CACNA2D2: variants seen among roughly 807,000 people sequenced by gnomAD.
CACNA2D2 encodes voltage-dependent calcium channel subunit alpha-2/delta-2.
Under a neutral mutation model 166.4 loss-of-function variants are expected in CACNA2D2, and 48 were observed. That is an observed-to-expected ratio of 0.29 (90% CI 0.23 to 0.37). CACNA2D2 has a LOEUF of 0.37. CACNA2D2 is among the 10% of genes least tolerant of loss of function. The pLI is 1.00. For missense variants in CACNA2D2, 1,122 were observed against 1,433.0 expected (o/e 0.78, Z 3.50); for synonymous variants, 561 against 573.7 (o/e 0.98, Z 0.32).
intron 2 of CACNA2D2, among the ~76,000 whole-genome samples, chr3:50,469,104 C>G (rs1029274087): frequency 6.6e-6 from 1 of 152,152 alleles, no homozygotes; most frequent in Non-Finnish European, 1.5e-5. Flanking sequence ...GCTGGGATTA[C>G]AGGCATGAGC....
intron 4 of CACNA2D2, among the ~76,000 whole-genome samples, chr3:50,393,136 G>A (rs939059830): frequency 6.6e-6 from 1 of 152,128 alleles, no homozygotes; most frequent in African/African-American, 2.4e-5. Context: ...AGGTAACCTC[G>A]GGTAGGTCTA....
At chr3:50,392,498 G>C (rs767214171) in intron 4 of CACNA2D2, among the ~76,000 whole-genome samples, 3 of 152,206 alleles carry the variant, frequency 2.0e-5, no homozygotes, top group Non-Finnish European at 2.9e-5. Flanking sequence ...GCCGGGCCCA[G>C]GTGGCCCTGT....
chr3:50,486,968 T>C (rs1159122312), intron 1 of CACNA2D2, among the ~76,000 whole-genome samples: 3 of 152,206 alleles, frequency 2.0e-5, no homozygotes, highest in Non-Finnish European at 4.4e-5. Context: ...GGAAAGGCAA[T>C]GCTGACGCGG....
In CACNA2D2 at chr3:50,423,625, G is replaced by A. The variant is rs548139784; in HGVS notation, c.405+10688C>T. Among the ~76,000 whole-genome samples the A allele has an allele frequency of 5.9e-5, 9 of 152,370 alleles. No individual in the cohort carries two copies. In the South Asian group the frequency reaches 8.3e-4, roughly 14 times the overall value. On this transcript the variant is annotated intron_variant, in intron 3 of 37. Coordinates refer to ENST00000424201, the MANE Select transcript of CACNA2D2 (RefSeq NM_006030.4). The stretch of plus-strand genomic sequence containing the variant: ...CATCTGGGAGGCTGAAGGATGGGGC[G>A]TCTTGCCCTAGCTGATCTCCGTAAC...
chr3:50,381,378 G>A (rs1047167290), intron 6 of CACNA2D2, among the ~76,000 whole-genome samples: 1 of 152,086 alleles, frequency 6.6e-6, no homozygotes, highest in East Asian at 1.9e-4. Context: ...ACATGAGCAG[G>A]CAGGGCAGCT....
chr3:50,482,088 G>T (rs1327845055), intron 1 of CACNA2D2, among the ~76,000 whole-genome samples: 3 of 152,236 alleles, frequency 2.0e-5, no homozygotes, highest in Non-Finnish European at 2.9e-5. Flanking sequence ...CACCTCTGCA[G>T]TCTTCTGAAG....
chr3:50,473,794 G>A (rs566571372), intron 2 of CACNA2D2, among the ~76,000 whole-genome samples: 3 of 152,176 alleles, frequency 2.0e-5, no homozygotes, highest in South Asian at 2.1e-4. Flanking sequence ...CAACCCCCAC[G>A]CCCACCTCAC....
chr3:50,466,330 C>T (rs573234053), intron 2 of CACNA2D2, among the ~76,000 whole-genome samples: 1 of 152,140 alleles, frequency 6.6e-6, no homozygotes, highest in Middle Eastern at 3.4e-3. Context: ...CTCAGCTTTG[C>T]TAATTAATCA....
chr3:50,481,821 C>A (rs571789644), intron 1 of CACNA2D2, among the ~76,000 whole-genome samples: 1 of 152,172 alleles, frequency 6.6e-6, no homozygotes, highest in Non-Finnish European at 1.5e-5. Context: ...CACGGTGAAA[C>A]CCTGTCTCTA....
At chr3:50,453,276 T>C (rs962605056) in intron 2 of CACNA2D2, among the ~76,000 whole-genome samples, 1 of 152,096 alleles carries the variant, frequency 6.6e-6, no homozygotes, top group Admixed American at 6.5e-5. Flanking sequence ...CTGTGCCACC[T>C]CCCAAGTCCT....
chr3:50,381,070 C>T lies in CACNA2D2; in HGVS notation c.709G>A (p.Glu237Lys). 1 of 1,613,962 alleles carries T rather than the reference C, an allele frequency of 6.2e-7. No homozygotes were observed. Among genetic ancestry groups the T allele is most frequent in the Non-Finnish European group, 8.5e-7 (1 of 1,179,944 alleles). The change falls in exon 7 of 38, where the codon GAA becomes AAA. Residue 237 changes from glutamate (E) to lysine (K), a missense_variant. Physicochemically the swap from Glu to Lys is moderately conservative, Grantham distance 56. This residue lies in a region of CACNA2D2 where 840 missense variants were observed against 1,166.8 expected (regional missense o/e 0.72). Coordinates refer to ENST00000424201, the MANE Select transcript of CACNA2D2 (RefSeq NM_006030.4). ...WTEALENVFMENRRQDPTLLW... is the reference protein window; with the variant it reads ...WTEALENVFMKNRRQDPTLLW... ...AGTGTGGGGTCTTGTCTGCGGTTTTCCATGAACACATTCTCCAGGGCCTCT... is the reference window on the plus strand; with the variant it reads ...AGTGTGGGGTCTTGTCTGCGGTTTTTCATGAACACATTCTCCAGGGCCTCT...
intron 1 of CACNA2D2, among the ~76,000 whole-genome samples, chr3:50,497,156 C>G (rs1560008918): frequency 6.6e-6 from 1 of 152,182 alleles, no homozygotes; most frequent in African/African-American, 2.4e-5. Flanking sequence ...CTGGAAGAGA[C>G]AAGGCCCAGC....
intron 3 of CACNA2D2, among the ~76,000 whole-genome samples, chr3:50,399,149 C>G (rs1027507154): frequency 6.6e-6 from 1 of 152,140 alleles, no homozygotes; most frequent in Admixed American, 6.5e-5. Context: ...TCTTAGATGG[C>G]CTGCTCCTCC....
At chr3:50,441,372 G>A (rs999316312) in intron 2 of CACNA2D2, among the ~76,000 whole-genome samples, 1 of 152,184 alleles carries the variant, frequency 6.6e-6, no homozygotes. Flanking sequence ...TATGCAATTA[G>A]TGTAAAAAGT....
At position 50,408,245 on chromosome 3, in the gene CACNA2D2, G is replaced by A. The variant is rs77798485; in HGVS notation, c.406-14077C>T. 9.2e-3 allele frequency among the ~76,000 whole-genome samples: 1,405 copies of A among 152,318 alleles called. 13 individuals are homozygous for A. The highest frequency in any genetic ancestry group is 0.013 in the Non-Finnish European group (918 of 68,022). ...TCCCTGTGTCCCTGGGCAGCAAGGC[G>A]GGATATGAACCTAGGCCAAGACAAA... On this transcript the variant is annotated intron_variant, in intron 3 of 37. Transcript: ENST00000424201.
intron 1 of CACNA2D2, among the ~76,000 whole-genome samples, chr3:50,480,150 T>G (rs982571773): frequency 2.0e-5 from 3 of 152,094 alleles, no homozygotes; most frequent in African/African-American, 7.2e-5. Flanking sequence ...CAGGGTCACA[T>G]ACTTAAAGAG....
chr3:50,503,161 G>C lies in CACNA2D2; in HGVS notation c.206+57C>G, dbSNP rs1350909878. ...GCAGGGAAGGAGTAGCGCGGACCGGGGGCAGAGCGGGGCGCAAGGCTCGGC... is the reference window on the plus strand; with the variant it reads ...GCAGGGAAGGAGTAGCGCGGACCGGCGGCAGAGCGGGGCGCAAGGCTCGGC... On this transcript the variant is annotated intron_variant, in intron 1 of 37. Coordinates refer to ENST00000424201, the MANE Select transcript of CACNA2D2 (RefSeq NM_006030.4). 6 of 1,043,460 alleles carry C rather than the reference G, an allele frequency of 5.8e-6. No individual in the cohort carries two copies. The African/African-American group carries it at 8.5e-5, about 15-fold the overall frequency. The allele number at this position is 1,043,460 out of a possible 1,614,324, so 64.6% of individuals were successfully genotyped here. A position where few individuals can be genotyped will look rare whatever the true frequency, so the allele number is the denominator to read the frequency against.
chr3:50,465,135 C>T (rs974914142), intron 2 of CACNA2D2, among the ~76,000 whole-genome samples: 1 of 152,226 alleles, frequency 6.6e-6, no homozygotes. Context: ...ATGCTGTAGT[C>T]GGGAGGCTGG....
In CACNA2D2 at chr3:50,429,823, C is replaced by T. The variant is rs79224921; in HGVS notation, c.405+4490G>A. 4.7e-4 allele frequency among the ~76,000 whole-genome samples: 71 copies of T among 151,842 alleles called. 1 individual carries two copies. The East Asian group carries it at 0.013, about 29-fold the overall frequency. On this transcript the variant is annotated intron_variant, in intron 3 of 37. Coordinates refer to ENST00000424201, the MANE Select transcript of CACNA2D2 (RefSeq NM_006030.4). Reference sequence around the variant, plus strand: ...AATCTACACAGAATCATCTGTGGCACGTTAAAACATCCTGATGCCCCGCCC... The same window carrying T: ...AATCTACACAGAATCATCTGTGGCATGTTAAAACATCCTGATGCCCCGCCC...
Sources: allele counts gnomAD v4.1 joint callset (sites outside exome capture counted in the v4.1 genomes callset), GRCh38; gene constraint gnomAD v4.1.1; regional missense constraint gnomAD v4.1.1; transcripts MANE v1.5; gene names NCBI Gene and HGNC (gene_info 2026-07-23, HGNC 2026-07-21).